KLHL29: variants seen among roughly 807,000 people sequenced by gnomAD.
The protein encoded by KLHL29 is kelch-like protein 29.
A neutral mutation model predicts 80.4 loss-of-function variants in KLHL29; 21 were observed. The ratio of observed to expected loss-of-function variants is 0.26; its 90% CI spans 0.19 to 0.38. KLHL29 has a LOEUF of 0.38. Ranked by LOEUF, KLHL29 falls within the 10% of genes least tolerant of loss-of-function variation. The pLI is 1.00. For synonymous variants in KLHL29, 511 were observed against 526.8 expected, an observed-to-expected ratio of 0.97 and a Z score of 0.41; for missense variants, 867 against 1,223.9, an observed-to-expected ratio of 0.71 and a Z score of 4.35.
intron 2 of KLHL29, among the ~76,000 whole-genome samples, chr2:23,487,974 G>A (rs2103446298): frequency 6.6e-6 from 1 of 152,320 alleles, no homozygotes; most frequent in Non-Finnish European, 1.5e-5. Flanking sequence ...AGCCCGAGGG[G>A]AGGCCCCTTC....
At chr2:23,589,498 A>G (rs1156530317) in intron 3 of KLHL29, among the ~76,000 whole-genome samples, 1 of 152,074 alleles carries the variant, frequency 6.6e-6, no homozygotes, top group Non-Finnish European at 1.5e-5. Flanking sequence ...GTTTAGCTCC[A>G]CTCCACACTG....
At chr2:23,667,639 C>CA (rs200626537) in intron 5 of KLHL29, 6,650 of 152,754 alleles carry the variant, frequency 0.044, 164 homozygotes, top group Non-Finnish European at 0.049. Flanking sequence ...CACCACTGCA[C>CA]GGTGCCATCC....
chr2:23,398,650 T>C (rs7560798), intron 1 of KLHL29, among the ~76,000 whole-genome samples: 36,717 of 151,964 alleles, frequency 0.24, 4,671 homozygotes, highest in South Asian at 0.31. Context: ...CTGTCGATAG[T>C]GAGCCCTTGG....
chr2:23,658,389 A>C (rs1670304960), intron 5 of KLHL29, among the ~76,000 whole-genome samples: 1 of 152,090 alleles, frequency 6.6e-6, no homozygotes, highest in Non-Finnish European at 1.5e-5. Context: ...ATCTGGCCTC[A>C]CCAATTGCTG....
chr2:23,440,543 C>A (rs1400850456), intron 1 of KLHL29, among the ~76,000 whole-genome samples: 3 of 152,008 alleles, frequency 2.0e-5, no homozygotes, highest in Non-Finnish European at 2.9e-5. Flanking sequence ...GAACAGGCAA[C>A]CTACAAAATG....
intron 5 of KLHL29, among the ~76,000 whole-genome samples, chr2:23,666,160 C>T (rs1423842227): frequency 6.6e-6 from 1 of 152,226 alleles, no homozygotes; most frequent in Non-Finnish European, 1.5e-5. Context: ...AACCAAACTC[C>T]CTGCCCTCAG....
At chr2:23,667,842 T>C (rs1316047173) in intron 5 of KLHL29, 1 of 152,286 alleles carries the variant, frequency 6.6e-6, no homozygotes, top group Non-Finnish European at 1.5e-5. Context: ...GCCTGGGAAA[T>C]GTATGCTTGT....
rs1246945829 is a variant in KLHL29 at position 23,435,902 on chromosome 2, T to C, written c.-153-39658T>C. On this transcript the variant is annotated intron_variant, in intron 1 of 13. Transcript: ENST00000486442. ...TTCTTTCTTTCTCTCTCTCTCTCTT[T>C]TTTTTTTTTTTTTTTTAAAAAGGAA... 6.0e-5 allele frequency among the ~76,000 whole-genome samples: 9 copies of C among 150,764 alleles called. No individual in the cohort carries two copies. In the Middle Eastern group the frequency reaches 0.01, roughly 172 times the overall value.
At chr2:23,532,583 C>T in intron 2 of KLHL29, 1 of 456,736 alleles carries the variant, frequency 2.2e-6, no homozygotes, top group Non-Finnish European at 4.4e-6. Flanking sequence ...GAAGCTAAAA[C>T]ACTTCCTTCA....
intron 3 of KLHL29, among the ~76,000 whole-genome samples, chr2:23,621,176 CCAGCAGCAG>C (rs201529828): frequency 1.3e-5 from 2 of 152,008 alleles, no homozygotes; most frequent in African/African-American, 2.4e-5. Context: ...CAGTTCTCAC[CCAGCAGCAG>C]CAGCAGCAGC....
At chr2:23,504,266 G>T (rs543497548) in intron 2 of KLHL29, among the ~76,000 whole-genome samples, 1 of 152,332 alleles carries the variant, frequency 6.6e-6, no homozygotes, top group South Asian at 2.1e-4. Flanking sequence ...AAATGTCAGA[G>T]ATCTAGAACG....
At chr2:23,403,710 A>AG (rs1558325276) in intron 1 of KLHL29, among the ~76,000 whole-genome samples, 8 of 98,572 alleles carry the variant, frequency 8.1e-5, no homozygotes, top group African/African-American at 2.6e-4. Context: ...GATGAAACCC[A>AG]AAGAGAGAGA....
intron 1 of KLHL29, among the ~76,000 whole-genome samples, chr2:23,386,216 C>G (rs967566528): frequency 2.0e-5 from 3 of 151,986 alleles, no homozygotes; most frequent in Non-Finnish European, 2.9e-5. Context: ...GGAGGGCTGG[C>G]CCCCAGGGGC....
In KLHL29 at chr2:23,387,038, T is replaced by TGCC. The variant is rs1479698474; in HGVS notation, c.-154+1270_-154+1272dup. On this transcript the variant is annotated intron_variant, in intron 1 of 13. Transcript: ENST00000486442. ...CCAGAGATGCTGATGGGTAAGGAGC[T>TGCC]GCCGCCGCCGCCGCTGCCATCCCCG... is the stretch of plus-strand genomic sequence containing the variant. Among the ~76,000 whole-genome samples the TGCC allele has an allele frequency of 5.3e-5, 8 of 151,812 alleles. No homozygotes were observed. In the South Asian group the frequency reaches 6.2e-4, roughly 12 times the overall value.
At chr2:23,463,770 G>A (rs113360886) in intron 1 of KLHL29, among the ~76,000 whole-genome samples, 5 of 152,142 alleles carry the variant, frequency 3.3e-5, no homozygotes, top group Non-Finnish European at 7.3e-5. Flanking sequence ...TGAGCATAGA[G>A]TCATTTGGAA....
At chr2:23,704,942 C>T (rs1183167177) in intron 13 of KLHL29, among the ~76,000 whole-genome samples, 10 of 152,254 alleles carry the variant, frequency 6.6e-5, no homozygotes, top group Admixed American at 5.2e-4. Flanking sequence ...TAACCTCCTA[C>T]TAGCATGTCA....
At chr2:23,511,554 C>T (rs1330542589) in intron 2 of KLHL29, among the ~76,000 whole-genome samples, 1 of 152,166 alleles carries the variant, frequency 6.6e-6, no homozygotes, top group African/African-American at 2.4e-5. Context: ...TGAGGGTTAG[C>T]TGTGTGTGAG....
rs2103513486 is a variant in KLHL29 at position 23,587,152 on chromosome 2, G to A, written c.285+24671G>A. ...AATTTTGCACTGTGGTTCCCTCTCA[G>A]CGTGTCGAGAAGCTCTGAAGACGCT... On this transcript the variant is annotated intron_variant, in intron 3 of 13. Transcript: ENST00000486442. Among the ~76,000 whole-genome samples, 3 of 152,120 alleles carry A rather than the reference G, an allele frequency of 2.0e-5. 1 individual carries two copies. The South Asian group carries it at 6.2e-4, about 32-fold the overall frequency.
At position 23,415,252 on chromosome 2, in the gene KLHL29, C is replaced by G. The variant is rs184040829; in HGVS notation, c.-154+29472C>G. ...CATTTTCAGCTTCTATAATGCAAGA[C>G]GGGCTTAGCTTCCACAGCAAGGCAG... On this transcript the variant is annotated intron_variant, in intron 1 of 13. Coordinates refer to ENST00000486442, the MANE Select transcript of KLHL29 (RefSeq NM_052920.2). Among the ~76,000 whole-genome samples the G allele has an allele frequency of 3.3e-5, 5 of 152,182 alleles. No individual in the cohort carries two copies. In the East Asian group the frequency reaches 7.7e-4, roughly 23 times the overall value.
Sources: gnomAD v4.1 joint callset for allele counts (sites outside exome capture counted in the v4.1 genomes callset) on GRCh38, gnomAD v4.1.1 for gene constraint, MANE v1.5 for transcripts, NCBI Gene and HGNC (gene_info 2026-07-23, HGNC 2026-07-21) for gene names.